Variants in DROSHA observed in about 807,000 individuals in gnomAD.
DROSHA encodes the protein drosha ribonuclease III.
A neutral mutation model predicts 181.9 loss-of-function variants in DROSHA; 56 were observed. That is an observed-to-expected ratio of 0.31 (90% confidence interval 0.25 to 0.38). The LOEUF (loss-of-function observed/expected upper bound fraction) is 0.38. Among genes scored for constraint, DROSHA ranks in the 10% least tolerant of loss-of-function variants. DROSHA has a pLI of 1.00. For missense variants in DROSHA, 1,218 were observed against 1,743.5 expected (o/e 0.70, Z 5.37); for synonymous variants, 524 against 591.2 (o/e 0.89, Z 1.65).
rs571554553 is a variant in DROSHA, at chr5:31,521,004, G to A, written c.947+119C>T. ...TACAGTCTGCTTTAGCTTTTCACAG[G>A]TCATCTTGGACAGACTCTGAGGCCA... On this transcript the variant is annotated intron_variant, in intron 6 of 35. Transcript: ENST00000344624. The A allele has an allele frequency of 2.3e-5, 20 of 866,726 alleles. No homozygotes were observed. The African/African-American group carries it at 3.2e-4, about 14-fold the overall frequency. The allele number at this position is 866,726 out of a possible 1,614,324, so 53.7% of individuals were successfully genotyped here. A position where few individuals can be genotyped will look rare whatever the true frequency, so the allele number is the denominator to read the frequency against.
chr5:31,483,644 G>GA lies in DROSHA; in HGVS notation c.1997-17dup. ...AACAAAGGACCTGAAGCAAACAAAT[G>GA]AGAAAAAAAAAAAAAAAAGAAAACT... On this transcript the variant is annotated splice_polypyrimidine_tract_variant and intron_variant, in intron 15 of 35. Transcript: ENST00000344624. 1 of 1,120,316 alleles carries GA rather than the reference G, an allele frequency of 8.9e-7. No homozygotes were observed. The highest frequency in any genetic ancestry group is 1.1e-6 in the Non-Finnish European group (1 of 869,830). 69.4% of individuals were successfully genotyped at this position (1,120,316 alleles called of 1,614,324 possible).
intron 33 of DROSHA, among the ~76,000 whole-genome samples, chr5:31,407,427 GA>G (rs1017915000): frequency 6.6e-6 from 1 of 152,090 alleles, no homozygotes; most frequent in African/African-American, 2.4e-5. Flanking sequence ...TAAAAGATCA[GA>G]AAATGTATTT....
intron 27 of DROSHA, among the ~76,000 whole-genome samples, chr5:31,428,437 C>T (rs1055036103): frequency 6.6e-6 from 1 of 152,078 alleles, no homozygotes; most frequent in South Asian, 2.1e-4. Flanking sequence ...AAACACACAC[C>T]ATCTGATACA....
Position 31,521,108 on chromosome 5 carries a change from C to T in DROSHA, c.947+15G>A, listed in dbSNP as rs1203012910. The T allele has an allele frequency of 6.2e-7, 1 of 1,612,638 alleles. No individual in the cohort carries two copies. Among genetic ancestry groups the T allele is most frequent in the Admixed American group, 1.7e-5 (1 of 59,996 alleles). ...ATAATCCTATGACTTCTTTCAGTGT[C>T]AACTCCTTGCTTACCTTCCAGATCT... On this transcript the variant is annotated intron_variant, in intron 6 of 35. Coordinates refer to ENST00000344624, the MANE Select transcript of DROSHA (RefSeq NM_001382508.1).
chr5:31,441,094 C>A (rs1745539307), intron 23 of DROSHA, among the ~76,000 whole-genome samples: 1 of 149,888 alleles, frequency 6.7e-6, no homozygotes, highest in Non-Finnish European at 1.5e-5. Flanking sequence ...GTCTAGCTGA[C>A]AAATTCATAA....
chr5:31,514,985 T>C lies in DROSHA; in HGVS notation c.1290+3A>G. The C allele has an allele frequency of 6.2e-7, 1 of 1,613,458 alleles. No individual in the cohort carries two copies. The highest frequency in any genetic ancestry group is 8.5e-7 in the Non-Finnish European group (1 of 1,179,584). On this transcript the variant is annotated splice_donor_region_variant and intron_variant, in intron 8 of 35. Transcript: ENST00000344624. This position sits in a 1 kb window ranked among gnomAD's most constrained non-coding sequence, Gnocchi z 4.4. ...TACAGCTTGTCTGCTACTTCAGACC[T>C]ACCACCTGATCCATGGGGTCACTGG...
intron 18 of DROSHA, among the ~76,000 whole-genome samples, chr5:31,466,911 G>A (rs1443286423): frequency 1.3e-5 from 2 of 152,280 alleles, no homozygotes; most frequent in East Asian, 3.9e-4. Flanking sequence ...CTGTCAAAGC[G>A]TCCTGGAAAT....
chr5:31,439,052 T>A (rs368793658), intron 23 of DROSHA, among the ~76,000 whole-genome samples: 2 of 152,116 alleles, frequency 1.3e-5, no homozygotes, highest in Non-Finnish European at 2.9e-5. Flanking sequence ...AGGCCCTTGA[T>A]AGGCTATCTG....
chr5:31,406,419 A>T (rs2149984957), intron 34 of DROSHA, among the ~76,000 whole-genome samples: 1 of 152,182 alleles, frequency 6.6e-6, no homozygotes, highest in African/African-American at 2.4e-5. Context: ...CCAAGGCACA[A>T]TTAGAGGTTG....
chr5:31,405,194 C>T (rs1361705078), intron 35 of DROSHA, among the ~76,000 whole-genome samples: 2 of 151,902 alleles, frequency 1.3e-5, no homozygotes, highest in East Asian at 3.9e-4. Context: ...TGGTGAAACC[C>T]CATCTCTACT....
At chr5:31,527,926 C>T (rs1270086597) in intron 4 of DROSHA, among the ~76,000 whole-genome samples, 1 of 152,192 alleles carries the variant, frequency 6.6e-6, no homozygotes, top group Non-Finnish European at 1.5e-5. Flanking sequence ...CCCACCTTGT[C>T]TTGAAAACCA....
chr5:31,443,649 T>C (rs1338765198), intron 23 of DROSHA, among the ~76,000 whole-genome samples: 3 of 152,194 alleles, frequency 2.0e-5, no homozygotes, highest in Non-Finnish European at 4.4e-5. Context: ...AATTATTTTG[T>C]AGTTTTCATG....
At chr5:31,419,746 A>G (rs1339735329) in intron 30 of DROSHA, among the ~76,000 whole-genome samples, 1 of 152,226 alleles carries the variant, frequency 6.6e-6, no homozygotes, top group East Asian at 1.9e-4. Flanking sequence ...ATGAATTACT[A>G]TTTCAAACTA....
At position 31,484,380 on chromosome 5, in the gene DROSHA, C is replaced by CAAAAA. The variant is rs377304788; in HGVS notation, c.1996+496_1996+500dup. ...TGGGCGACAGAGCGAGACTCCGTCT[C>CAAAAA]AAAAAAAAAAAAAAAAAAAAAAAAA... On this transcript the variant is annotated intron_variant, in intron 15 of 35. Coordinates refer to ENST00000344624, the MANE Select transcript of DROSHA (RefSeq NM_001382508.1). Among the ~76,000 whole-genome samples, 27 of 82,988 alleles carry CAAAAA rather than the reference C, an allele frequency of 3.3e-4. 2 individuals carry two copies. The highest frequency in any genetic ancestry group is 7.2e-4 in the African/African-American group (12 of 16,626). The allele number at this position is 82,988 out of a possible 152,430, so 54.4% of individuals were successfully genotyped here. A position where few individuals can be genotyped will look rare whatever the true frequency, so the allele number is the denominator to read the frequency against.
intron 16 of DROSHA, among the ~76,000 whole-genome samples, chr5:31,475,999 A>G (rs1235966358): frequency 6.6e-6 from 1 of 152,204 alleles, no homozygotes; most frequent in Non-Finnish European, 1.5e-5. Flanking sequence ...GACTCACTTA[A>G]AGGCTTCATT....
chr5:31,492,311 A>G (rs193254558), intron 13 of DROSHA, among the ~76,000 whole-genome samples: 16 of 152,220 alleles, frequency 1.1e-4, no homozygotes, highest in African/African-American at 3.6e-4. Context: ...ACTTACATAG[A>G]AAAAAAGAAT....
intron 30 of DROSHA, among the ~76,000 whole-genome samples, chr5:31,419,755 T>G (rs1168774859): frequency 6.6e-6 from 1 of 152,216 alleles, no homozygotes; most frequent in Admixed American, 6.5e-5. Context: ...TATTTCAAAC[T>G]ATTTAGTTGG....
intron 20 of DROSHA, among the ~76,000 whole-genome samples, 182 bp from the exon 21 acceptor site, chr5:31,451,822 T>C (rs1259823837): frequency 6.6e-6 from 1 of 152,020 alleles, no homozygotes; most frequent in Non-Finnish European, 1.5e-5. Flanking sequence ...CTGTTAAGAG[T>C]ATATAGTCTC....
rs1390169495 is a variant in DROSHA at position 31,472,088 on chromosome 5, C to A, written c.2216G>T (p.Gly739Val). Residue 739 changes from glycine to valine, a missense_variant, in exon 17 of 36, where the codon GGC becomes GTC. Physicochemically the swap from Gly to Val is moderately radical, Grantham distance 109 (BLOSUM62 -3). Transcript: ENST00000344624. ...EWQKYAEECK[G>V]MIVTNPGTKP... ...CGTCCCAGGGTTGGTAACAATCATGCCTTTGCATTCTTCTGCATATTTCTG... is the reference window on the plus strand; with the variant it reads ...CGTCCCAGGGTTGGTAACAATCATGACTTTGCATTCTTCTGCATATTTCTG... 1.2e-6 allele frequency: 2 copies of A among 1,613,726 alleles called. No individual in the cohort carries two copies. Among genetic ancestry groups the A allele is most frequent in the African/African-American group, 1.3e-5 (1 of 74,920 alleles).
Sources: allele counts gnomAD v4.1 joint callset (sites outside exome capture counted in the v4.1 genomes callset), GRCh38; gene constraint gnomAD v4.1.1; non-coding constraint Gnocchi (gnomAD v3.1); transcripts MANE v1.5; gene names NCBI Gene and HGNC (gene_info 2026-07-23, HGNC 2026-07-21).